The following FAM120B variants were observed in gnomAD, a reference collection of about 807,000 sequenced individuals.
The protein encoded by FAM120B is constitutive coactivator of peroxisome proliferator-activated receptor gamma.
FAM120B carries 83 observed loss-of-function variants against 96.3 expected under a neutral mutation model. That is an observed-to-expected ratio of 0.86 (90% CI 0.72 to 1.03). The LOEUF (loss-of-function observed/expected upper bound fraction) is 1.03. Among genes scored for constraint, FAM120B ranks in the 50% least tolerant of loss-of-function variants. The pLI is 0.00. For synonymous variants in FAM120B, 407 were observed against 402.7 expected (o/e 1.01, Z -0.13); for missense variants, 1,027 against 1,121.2 (o/e 0.92, Z 1.20).
intron 1 of FAM120B, among the ~76,000 whole-genome samples, chr6:170,313,679 T>C (rs1784733360): frequency 6.6e-6 from 1 of 152,256 alleles, no homozygotes; most frequent in Admixed American, 6.5e-5. Context: ...CTTATTCCAA[T>C]GTGCCTTTGC....
chr6:170,300,092 T>A (rs961407918), intron 1 of FAM120B, among the ~76,000 whole-genome samples: 2 of 152,242 alleles, frequency 1.3e-5, no homozygotes, highest in African/African-American at 4.8e-5. Context: ...TTGTTACCTG[T>A]ATTAGTCTGT....
chr6:170,323,364 T>C (rs1785417934), intron 3 of FAM120B, 105 bp downstream of exon 3: 1 of 940,090 alleles, frequency 1.1e-6, no homozygotes, highest in South Asian at 1.7e-5. Flanking sequence ...TGGAGACAAT[T>C]AAATGGGTTT....
At position 170,317,401 on chromosome 6, in the gene FAM120B, G is replaced by A; in HGVS notation, c.11G>A (p.Arg4Lys). MGVRGLQGFVGSTC... is the reference protein window; with the variant it reads MGVKGLQGFVGSTC... ...TCCCGGAGTTCAGTTATGGGTGTGA[G>A]AGGTTTGCAAGGATTTGTGGGAAGT... Residue 4 changes from arginine to lysine, a missense_variant, in exon 2 of 11, where the codon AGA becomes AAA. Coordinates refer to ENST00000476287, the MANE Select transcript of FAM120B (RefSeq NM_032448.3). 6.2e-7 allele frequency: 1 copy of A among 1,608,018 alleles called. No individual in the cohort carries two copies. Among genetic ancestry groups the A allele is most frequent in the Non-Finnish European group, 8.5e-7 (1 of 1,174,760 alleles).
intron 9 of FAM120B, 41 bp from the exon 10 acceptor site, chr6:170,404,509 G>A: frequency 6.3e-7 from 1 of 1,580,716 alleles, no homozygotes; most frequent in South Asian, 1.1e-5. Flanking sequence ...TATTGAGAGA[G>A]ATTTAATTCT....
chr6:170,315,882 G>C (rs1453275170), intron 1 of FAM120B, among the ~76,000 whole-genome samples: 2 of 150,482 alleles, frequency 1.3e-5, no homozygotes, highest in Non-Finnish European at 3.0e-5. Flanking sequence ...GAGAGTTTGA[G>C]ACCAGCCTGG....
chr6:170,329,128 G>A (rs1253390804), intron 3 of FAM120B, among the ~76,000 whole-genome samples: 3 of 152,204 alleles, frequency 2.0e-5, no homozygotes, highest in East Asian at 1.9e-4. Context: ...CCTATATCCT[G>A]ATAGCTCTCT....
chr6:170,293,010 C>T (rs1382095727), upstream of FAM120B, among the ~76,000 whole-genome samples: 4 of 152,156 alleles, frequency 2.6e-5, no homozygotes, highest in South Asian at 2.1e-4. Context: ...CCTTTTTGGA[C>T]TCTATAGGGA....
chr6:170,330,187 C>T (rs977897648), intron 3 of FAM120B, among the ~76,000 whole-genome samples: 2 of 152,194 alleles, frequency 1.3e-5, no homozygotes, highest in African/African-American at 4.8e-5. Flanking sequence ...GGTAAACTCT[C>T]TCTCCCATAT....
chr6:170,401,844 C>T (rs982789731), intron 9 of FAM120B, among the ~76,000 whole-genome samples: 1 of 152,238 alleles, frequency 6.6e-6, no homozygotes, highest in Non-Finnish European at 1.5e-5. Flanking sequence ...GAAACCTGAA[C>T]TACTTCTGGT....
chr6:170,292,150 C>G (rs560979385), upstream of FAM120B, among the ~76,000 whole-genome samples: 1 of 152,234 alleles, frequency 6.6e-6, no homozygotes, highest in Non-Finnish European at 1.5e-5. This position sits in a 1 kb window ranked among gnomAD's most constrained non-coding sequence, Gnocchi z 6.6. Context: ...TCTAAAGCCC[C>G]TCCAGCCCCG....
At position 170,348,134 on chromosome 6, in the gene FAM120B, C is replaced by CT; in HGVS notation, c.2018-10dup. ...GCTGCAAAGAACAATAGTTAATGGACTTTTTTTCTTAACTAGGGGGAACGC... is the reference window on the plus strand; with the variant it reads ...GCTGCAAAGAACAATAGTTAATGGACTTTTTTTTCTTAACTAGGGGGAACGC... On this transcript the variant is annotated splice_polypyrimidine_tract_variant and intron_variant, in intron 4 of 10. Coordinates refer to ENST00000476287, the MANE Select transcript of FAM120B (RefSeq NM_032448.3). 1.2e-6 allele frequency: 2 copies of CT among 1,607,930 alleles called. No homozygotes were observed. Among genetic ancestry groups the CT allele is most frequent in the Non-Finnish European group, 8.5e-7 (1 of 1,176,758 alleles).
chr6:170,319,354 G>A (rs1034456726), intron 2 of FAM120B, among the ~76,000 whole-genome samples: 1 of 152,204 alleles, frequency 6.6e-6, no homozygotes, highest in Non-Finnish European at 1.5e-5. Context: ...AAGAGAGAAA[G>A]AGAACATTGT....
intron 4 of FAM120B, among the ~76,000 whole-genome samples, chr6:170,337,261 G>A (rs564541037): frequency 4.6e-5 from 7 of 152,200 alleles, no homozygotes; most frequent in South Asian, 2.1e-4. Flanking sequence ...GAATTTTATC[G>A]AAGGCCTTTT....
intron 6 of FAM120B, among the ~76,000 whole-genome samples, chr6:170,374,792 T>G (rs917342831): frequency 1.3e-5 from 2 of 152,232 alleles, no homozygotes; most frequent in African/African-American, 4.8e-5. Context: ...TCACTTTACA[T>G]TCCTAAGGAG....
chr6:170,397,713 C>T (rs987156441), intron 9 of FAM120B, among the ~76,000 whole-genome samples: 3 of 152,290 alleles, frequency 2.0e-5, no homozygotes, highest in South Asian at 4.1e-4. Context: ...GTGAAGCGGG[C>T]ATCCCAGCCT....
At chr6:170,367,246 A>G (rs904219814) in intron 6 of FAM120B, among the ~76,000 whole-genome samples, 1 of 152,236 alleles carries the variant, frequency 6.6e-6, no homozygotes, top group Non-Finnish European at 1.5e-5. Context: ...AGCTTCAACC[A>G]GGGGTTACCA....
intron 5 of FAM120B, among the ~76,000 whole-genome samples, chr6:170,352,949 G>A (rs1257084171): frequency 2.6e-5 from 4 of 151,846 alleles, no homozygotes; most frequent in African/African-American, 9.7e-5. Flanking sequence ...ATGAATCCAG[G>A]AGCTGTTTTT....
Position 170,347,176 on chromosome 6 carries a change from C to A in FAM120B, c.2018-975C>A, listed in dbSNP as rs576932532. Among the ~76,000 whole-genome samples, 7 of 152,148 alleles carry A rather than the reference C, an allele frequency of 4.6e-5. No individual in the cohort carries two copies. The East Asian group carries it at 1.4e-3, about 29-fold the overall frequency. ...TTTTTGGGTCATTTGGACTCTGAGGCCGTTTGGTTAGTAGGTTCTGTTTCC... is the reference window on the plus strand; with the variant it reads ...TTTTTGGGTCATTTGGACTCTGAGGACGTTTGGTTAGTAGGTTCTGTTTCC... On this transcript the variant is annotated intron_variant, in intron 4 of 10. Coordinates refer to ENST00000476287, the MANE Select transcript of FAM120B (RefSeq NM_032448.3).
At chr6:170,378,809 G>C (rs928912132) in intron 6 of FAM120B, among the ~76,000 whole-genome samples, 1 of 152,256 alleles carries the variant, frequency 6.6e-6, no homozygotes, top group African/African-American at 2.4e-5. Context: ...GTTGTGGGCA[G>C]GGTGGGCTGC....
Sources: allele counts gnomAD v4.1 joint callset (sites outside exome capture counted in the v4.1 genomes callset), GRCh38; gene constraint gnomAD v4.1.1; non-coding constraint Gnocchi (gnomAD v3.1); transcripts MANE v1.5; gene names NCBI Gene and HGNC (gene_info 2026-07-23, HGNC 2026-07-21).